Variants in ATP2C2 observed in about 807,000 individuals in gnomAD.
The protein encoded by ATP2C2 is ATPase secretory pathway Ca2+ transporting 2.
ATP2C2 carries 171 observed loss-of-function variants against 110.8 expected under a neutral mutation model. The observed-to-expected ratio is 1.54, with a 90% CI of 1.36 to 1.75. The LOEUF is 1.75. Ranked by LOEUF, ATP2C2 falls within the 40% of genes most tolerant of loss-of-function variation. The probability of loss-of-function intolerance (pLI) is 0.00; values close to 1 mark genes in which losing one functional copy is unlikely to be tolerated. For missense variants in ATP2C2, 1,963 were observed against 1,235.0 expected (o/e 1.59, Z -8.84); for synonymous variants, 804 against 508.4 (o/e 1.58, Z -7.82).
At chr16:84,409,519 T>C (rs1906081536) in intron 4 of ATP2C2, among the ~76,000 whole-genome samples, 1 of 152,160 alleles carries the variant, frequency 6.6e-6, no homozygotes, top group African/African-American at 2.4e-5. Flanking sequence ...CATTTTTTTT[T>C]CTTTTTTTGA....
At chr16:84,448,829 T>C in intron 17 of ATP2C2, 140 bp downstream of exon 17, 2 of 1,181,906 alleles carry the variant, frequency 1.7e-6, no homozygotes, top group South Asian at 3.3e-5. Flanking sequence ...TAATGTGTGC[T>C]TGGAACCTGA....
Position 84,463,574 on chromosome 16 carries a change from G to A in ATP2C2, c.2723-40G>A, listed in dbSNP as rs144938196. 86 of 1,559,654 alleles carry A rather than the reference G, an allele frequency of 5.5e-5. No individual in the cohort carries two copies. The Admixed American group carries it at 5.7e-4, about 10-fold the overall frequency. The stretch of plus-strand genomic sequence containing the variant: ...CGCTTCCTGCCGGCGCAACAGAGCT[G>A]CAGCCCGTCCTGAATCTTTTCTGTT... On this transcript the variant is annotated intron_variant, in intron 26 of 26. Coordinates refer to ENST00000262429, the MANE Select transcript of ATP2C2 (RefSeq NM_014861.4).
At chr16:84,400,480 C>G (rs1244340310) in intron 2 of ATP2C2, among the ~76,000 whole-genome samples, 1 of 152,114 alleles carries the variant, frequency 6.6e-6, no homozygotes, top group African/African-American at 2.4e-5. Context: ...GCGCCTGCCA[C>G]CATGCCTGGC....
chr16:84,411,470 C>G (rs975925139), intron 6 of ATP2C2, among the ~76,000 whole-genome samples: 6 of 152,166 alleles, frequency 3.9e-5, no homozygotes, highest in African/African-American at 1.2e-4. Flanking sequence ...AAGATAGAGT[C>G]TTGCTCTGTC....
chr16:84,423,423 T>C (rs527455013), intron 10 of ATP2C2, among the ~76,000 whole-genome samples, 160 bp downstream of exon 10: 3 of 152,338 alleles, frequency 2.0e-5, no homozygotes, highest in African/African-American at 7.2e-5. Flanking sequence ...GCTTTCTGTA[T>C]AGTTGGACCA....
At chr16:84,391,423 C>G (rs1904657147) in intron 1 of ATP2C2, among the ~76,000 whole-genome samples, 1 of 152,240 alleles carries the variant, frequency 6.6e-6, no homozygotes, top group East Asian at 1.9e-4. Context: ...GCCCTAACCC[C>G]TGGTACCTGT....
intron 20 of ATP2C2, among the ~76,000 whole-genome samples, chr16:84,453,844 G>A (rs1472345340): frequency 6.6e-6 from 1 of 150,836 alleles, no homozygotes; most frequent in Non-Finnish European, 1.5e-5. Context: ...TTTTTTTTCT[G>A]GGGGTGGGGT....
intron 11 of ATP2C2, among the ~76,000 whole-genome samples, chr16:84,435,662 C>T (rs900527467): frequency 1.3e-5 from 2 of 151,836 alleles, no homozygotes; most frequent in East Asian, 1.9e-4. Flanking sequence ...CTTGTCTCTA[C>T]AAATCCTTTT....
At position 84,462,006 on chromosome 16, in the gene ATP2C2, A is replaced by T; in HGVS notation, c.2599A>T (p.Ile867Phe). ...CRSQTKLIFE[I>F]GFLRNHMFLY... ...CCTGCAGACCAAGCTGATATTTGAGATCGGCTTTCTCAGGAACCACATGTT... is the reference window on the plus strand; with the variant it reads ...CCTGCAGACCAAGCTGATATTTGAGTTCGGCTTTCTCAGGAACCACATGTT... Residue 867 changes from isoleucine to phenylalanine, a missense_variant, in exon 26 of 27, where the codon ATC becomes TTC. Physicochemically the swap from Ile to Phe is conservative, Grantham distance 21. Transcript: ENST00000262429. 1 of 1,613,756 alleles carries T rather than the reference A, an allele frequency of 6.2e-7. No homozygotes were observed. Among genetic ancestry groups the T allele is most frequent in the Non-Finnish European group, 8.5e-7 (1 of 1,179,756 alleles).
At chr16:84,429,332 A>G (rs1036500687) in intron 11 of ATP2C2, among the ~76,000 whole-genome samples, 1 of 151,890 alleles carries the variant, frequency 6.6e-6, no homozygotes, top group Non-Finnish European at 1.5e-5. Context: ...TTTAAATTTT[A>G]AGTAGAGATG....
chr16:84,405,329 AAGGC>A, intron 3 of ATP2C2, 85 bp downstream of exon 3: 5 of 1,208,426 alleles, frequency 4.1e-6, no homozygotes, highest in Non-Finnish European at 5.9e-6. Flanking sequence ...ATGTTGATGG[AAGGC>A]ATCCTTGGAC....
At chr16:84,448,730 TG>T in intron 17 of ATP2C2, 41 bp downstream of exon 17, 3 of 1,579,038 alleles carry the variant, frequency 1.9e-6, no homozygotes, top group Non-Finnish European at 2.6e-6. Flanking sequence ...TAAGCTTGCA[TG>T]TAACATTGAC....
At chr16:84,462,217 G>A (rs1459920302) in intron 26 of ATP2C2, 88 bp downstream of exon 26, 2 of 1,528,244 alleles carry the variant, frequency 1.3e-6, no homozygotes, top group African/African-American at 1.4e-5. Context: ...AGCCCAGGAG[G>A]GGTCAGTGCG....
At chr16:84,453,053 T>G in intron 18 of ATP2C2, 85 bp from the exon 19 acceptor site, 1 of 1,355,676 alleles carries the variant, frequency 7.4e-7, no homozygotes, top group Non-Finnish European at 1.0e-6. Context: ...TTATTCTTGG[T>G]GTTCCCCATG....
intron 1 of ATP2C2, among the ~76,000 whole-genome samples, chr16:84,379,763 C>T (rs573421602): frequency 6.6e-6 from 1 of 152,250 alleles, no homozygotes; most frequent in Non-Finnish European, 1.5e-5. Flanking sequence ...GTGAGCAAAG[C>T]GCTGATCCTA....
At chr16:84,404,984 G>T (rs1348237100) in intron 2 of ATP2C2, 144 bp from the exon 3 acceptor site, 1 of 774,414 alleles carries the variant, frequency 1.3e-6, no homozygotes. Flanking sequence ...CGGGGTCTTT[G>T]AACAAGTCCC....
chr16:84,451,872 C>T (rs368277621), intron 17 of ATP2C2, 49 bp from the exon 18 acceptor site: 58 of 1,540,606 alleles, frequency 3.8e-5, no homozygotes, highest in Middle Eastern at 2.0e-4. Context: ...CAAAAAACGA[C>T]GGCCCCTAAG....
intron 24 of ATP2C2, chr16:84,461,221 A>AGCTCTG (rs1567468264): frequency 4.4e-4 from 112 of 254,564 alleles, no homozygotes; most frequent in Admixed American, 4.2e-3. Context: ...AGGGAGCTCT[A>AGCTCTG]TGCCAGGACG....
chr16:84,418,965 T>C (rs887116171), intron 7 of ATP2C2, among the ~76,000 whole-genome samples: 1 of 151,874 alleles, frequency 6.6e-6, no homozygotes, highest in Non-Finnish European at 1.5e-5. Flanking sequence ...TCCCAGCACT[T>C]TGGGAGGCTG....
Sources: allele counts gnomAD v4.1 joint callset (sites outside exome capture counted in the v4.1 genomes callset), GRCh38; gene constraint gnomAD v4.1.1; transcripts MANE v1.5; gene names NCBI Gene and HGNC (gene_info 2026-07-23, HGNC 2026-07-21).